The following DAB1 variants were observed in gnomAD, a reference collection of about 807,000 sequenced individuals.
DAB1 encodes DAB adaptor protein 1, also known as disabled homolog 1.
Under a neutral mutation model 64.6 loss-of-function variants are expected in DAB1, and 15 were observed. The ratio of observed to expected loss-of-function variants is 0.23; its 90% CI spans 0.16 to 0.36. The LOEUF (loss-of-function observed/expected upper bound fraction) is 0.36, where lower values mean the gene tolerates loss of function less well. Among genes scored for constraint, DAB1 ranks in the 10% least tolerant of loss-of-function variants. The pLI is 1.00. For missense variants in DAB1, 596 were observed against 706.7 expected (o/e 0.84, Z 1.78); for synonymous variants, 235 against 251.9 (o/e 0.93, Z 0.64).
At chr1:57,219,982 A>G (rs1666732746) in intron 2 of DAB1, among the ~76,000 whole-genome samples, 1 of 152,212 alleles carries the variant, frequency 6.6e-6, no homozygotes, top group Non-Finnish European at 1.5e-5. Context: ...AATTAGCTAT[A>G]CAGCAGTAGC....
chr1:57,490,281 T>C (rs928212666), intron 7 of DAB1, among the ~76,000 whole-genome samples: 1 of 152,214 alleles, frequency 6.6e-6, no homozygotes, highest in African/African-American at 2.4e-5. Flanking sequence ...ATAACATTAC[T>C]GTGTTCTAGA....
At chr1:58,036,671 A>G (rs186979513) in intron 5 of DAB1, among the ~76,000 whole-genome samples, 48 of 152,326 alleles carry the variant, frequency 3.2e-4, no homozygotes, top group Middle Eastern at 3.4e-3. Flanking sequence ...AAAACAGTCT[A>G]TAAGTACAGC....
intron 7 of DAB1, among the ~76,000 whole-genome samples, chr1:57,561,900 T>C (rs1239807977): frequency 6.6e-6 from 1 of 152,222 alleles, no homozygotes; most frequent in African/African-American, 2.4e-5. Context: ...TCTTCCATTA[T>C]ACAAAGGACA....
At chr1:58,083,448 C>T (rs1046205076) in intron 5 of DAB1, among the ~76,000 whole-genome samples, 3 of 152,152 alleles carry the variant, frequency 2.0e-5, no homozygotes, top group Admixed American at 1.3e-4. Context: ...GCCCAGTGTG[C>T]GGGGCAGCTT....
At chr1:57,066,668 A>G (rs992150758) in intron 8 of DAB1, among the ~76,000 whole-genome samples, 1 of 152,202 alleles carries the variant, frequency 6.6e-6, no homozygotes, top group African/African-American at 2.4e-5. Flanking sequence ...TGATCATAAG[A>G]CATCTTCAAC....
chr1:58,322,376 C>A (rs1475918355), intron 4 of DAB1, among the ~76,000 whole-genome samples: 1 of 151,922 alleles, frequency 6.6e-6, no homozygotes, highest in African/African-American at 2.4e-5. Context: ...CTACAAGGAA[C>A]TTAAACAAAT....
intron 1 of DAB1, among the ~76,000 whole-genome samples, chr1:58,545,705 G>A (rs941147582): frequency 6.6e-6 from 1 of 152,202 alleles, no homozygotes. Flanking sequence ...GCACTCACTG[G>A]CACTCACAGC....
At chr1:57,883,809 C>T (rs1644182628) in intron 1 of DAB1, among the ~76,000 whole-genome samples, 1 of 152,200 alleles carries the variant, frequency 6.6e-6, no homozygotes, top group South Asian at 2.1e-4. Flanking sequence ...TGGCTACCGC[C>T]TCATTGAATA....
intron 2 of DAB1, among the ~76,000 whole-genome samples, chr1:57,146,094 C>A (rs1659099724): frequency 6.6e-6 from 1 of 152,194 alleles, no homozygotes; most frequent in Non-Finnish European, 1.5e-5. Flanking sequence ...GACACATCAA[C>A]CAGGAGCTCA....
intron 2 of DAB1, among the ~76,000 whole-genome samples, chr1:57,282,778 T>A (rs1314287210): frequency 1.3e-5 from 2 of 152,190 alleles, no homozygotes; most frequent in Non-Finnish European, 2.9e-5. Context: ...AATTTATCTT[T>A]TCTTATAATT....
chr1:58,329,392 T>C (rs1008906588), intron 4 of DAB1, among the ~76,000 whole-genome samples: 1 of 152,266 alleles, frequency 6.6e-6, no homozygotes, highest in African/African-American at 2.4e-5. Context: ...TCAGATTTTA[T>C]TGTGTAAATA....
chr1:57,459,856 G>A (rs1686723577), intron 7 of DAB1, among the ~76,000 whole-genome samples: 1 of 152,108 alleles, frequency 6.6e-6, no homozygotes, highest in Admixed American at 6.5e-5. Flanking sequence ...TTAGTTTAAG[G>A]CATCAAGGGA....
intron 4 of DAB1, among the ~76,000 whole-genome samples, chr1:57,130,464 T>C (rs550782616): frequency 1.6e-4 from 24 of 152,316 alleles, no homozygotes; most frequent in Admixed American, 8.5e-4. Context: ...CACTCCCATG[T>C]TCACTGTAGC....
At chr1:57,957,091 A>G (rs1055925429) in intron 5 of DAB1, among the ~76,000 whole-genome samples, 1 of 152,218 alleles carries the variant, frequency 6.6e-6, no homozygotes, top group African/African-American at 2.4e-5. Context: ...TTTTGAAAGG[A>G]GGAGCATGTG....
At position 58,540,120 on chromosome 1, in the gene DAB1, G is replaced by A. The variant is rs536280003; in HGVS notation, n.32+6583C>T. Among the ~76,000 whole-genome samples the A allele has an allele frequency of 1.1e-4, 17 of 152,176 alleles. No individual in the cohort carries two copies. In the East Asian group the frequency reaches 3.3e-3, roughly 29 times the overall value. On this transcript the variant is annotated intron_variant and non_coding_transcript_variant, in intron 1 of 20. Transcript: ENST00000485760. The stretch of plus-strand genomic sequence containing the variant: ...GCCTATCCCCTCCCCACCATTCAAA[G>A]TGGAAAACCTTATCATTCGTGGGTA...
At chr1:57,595,456 G>T (rs943474486) in intron 7 of DAB1, among the ~76,000 whole-genome samples, 1 of 152,082 alleles carries the variant, frequency 6.6e-6, no homozygotes, top group Non-Finnish European at 1.5e-5. Context: ...AGCAGTAGAC[G>T]TAGCCTTGTC....
intron 4 of DAB1, among the ~76,000 whole-genome samples, chr1:58,319,856 A>G (rs546162041): frequency 6.6e-6 from 1 of 152,228 alleles, no homozygotes; most frequent in African/African-American, 2.4e-5. Context: ...TTTCTCTAAT[A>G]TTTCATTTTT....
intron 7 of DAB1, among the ~76,000 whole-genome samples, chr1:57,622,761 T>G (rs1405592151): frequency 6.6e-6 from 1 of 152,228 alleles, no homozygotes; most frequent in Non-Finnish European, 1.5e-5. Flanking sequence ...GAGGACTAGA[T>G]GGGATTTTCT....
chr1:57,068,784 G>A (rs773326173), intron 8 of DAB1, among the ~76,000 whole-genome samples: 15 of 152,108 alleles, frequency 9.9e-5, no homozygotes, highest in Middle Eastern at 3.4e-3. Context: ...AAAGCTACTC[G>A]GCTTCTCTCT....
Sources: allele counts gnomAD v4.1 joint callset (sites outside exome capture counted in the v4.1 genomes callset), GRCh38; gene constraint gnomAD v4.1.1; transcripts MANE v1.5; gene names NCBI Gene and HGNC (gene_info 2026-07-23, HGNC 2026-07-21).